CHMP1A: variants seen among roughly 807,000 people sequenced by gnomAD.
The protein encoded by CHMP1A is VPS46 homolog A.
A neutral mutation model predicts 27.0 loss-of-function variants in CHMP1A; 17 were observed. The ratio of observed to expected loss-of-function variants is 0.63; its 90% CI spans 0.43 to 0.95. The LOEUF (loss-of-function observed/expected upper bound fraction) is 0.95. Ranked by LOEUF, CHMP1A falls within the 40% of genes least tolerant of loss-of-function variation. CHMP1A has a pLI of 0.00. For synonymous variants in CHMP1A, 131 were observed against 107.5 expected (o/e 1.22, Z -1.35); for missense variants, 275 against 264.0 (o/e 1.04, Z -0.29).
chr16:89,647,477 C>T (rs1214596820), intron 4 of CHMP1A, 146 bp from the exon 5 acceptor site: 5 of 719,600 alleles, frequency 6.9e-6, no homozygotes, highest in Non-Finnish European at 9.0e-6. Flanking sequence ...GAGCCATCAT[C>T]TGGGTCCTAT....
chr16:89,647,406 G>A, intron 4 of CHMP1A, 75 bp from the exon 5 acceptor site: 3 of 1,449,010 alleles, frequency 2.1e-6, no homozygotes, highest in Non-Finnish European at 2.8e-6. Context: ...CGGGTCCCCT[G>A]GACTCTGACA....
chr16:89,649,564 G>C, intron 3 of CHMP1A, 67 bp from the exon 4 acceptor site: 5 of 1,583,182 alleles, frequency 3.2e-6, no homozygotes, highest in Non-Finnish European at 4.3e-6. Context: ...TAGGAGCCCA[G>C]TTTTTGTTTT....
rs2303774 is a variant in CHMP1A, at chr16:89,649,263, T to C, written c.252+88A>G. 0.021 allele frequency: 29,231 copies of C among 1,378,982 alleles called. 5,309 individuals are homozygous for C. The East Asian group carries it at 0.52, about 25-fold the overall frequency. 85.4% of individuals were successfully genotyped at this position (1,378,982 alleles called of 1,614,324 possible). On this transcript the variant is annotated intron_variant, in intron 4 of 6. Transcript: ENST00000397901. ...CCGCGCTGATCCACCTTCCGTCAAC[T>C]CTGAGCTGCCCCAGATCCAGACCGC... is the stretch of plus-strand genomic sequence containing the variant.
At chr16:89,649,018 G>T (rs1374195214) in intron 4 of CHMP1A, among the ~76,000 whole-genome samples, 1 of 151,418 alleles carries the variant, frequency 6.6e-6, no homozygotes. Context: ...GAGCAAGACA[G>T]TCTCTAAAAA....
At position 89,646,634 on chromosome 16, in the gene CHMP1A, G is replaced by C; in HGVS notation, c.462C>G (p.Ala154=). Residue 154 remains alanine (A), a synonymous_variant, in exon 6 of 7, where the codon GCC becomes GCG. Transcript: ENST00000397901. ...EQVDSLIMQI[A]EENGLEVLDQ... The stretch of plus-strand genomic sequence containing the variant: ...CCAGCACCTCCAGGCCATTCTCCTC[G>C]GCGATCTGCATGATGAGGCTGTCCA... 2.5e-6 allele frequency: 4 copies of C among 1,609,760 alleles called. No homozygotes were observed. Among genetic ancestry groups the C allele is most frequent in the Non-Finnish European group, 3.4e-6 (4 of 1,178,674 alleles).
At chr16:89,654,243 C>G (rs933500755) in intron 1 of CHMP1A, among the ~76,000 whole-genome samples, 2 of 152,242 alleles carry the variant, frequency 1.3e-5, no homozygotes, top group Non-Finnish European at 2.9e-5. Context: ...GACGCAGCAT[C>G]TTTTGGCCAT....
intron 2 of CHMP1A, 57 bp from the exon 3 acceptor site, chr16:89,651,703 G>A (rs1015471993): frequency 4.5e-6 from 7 of 1,549,846 alleles, no homozygotes; most frequent in East Asian, 2.3e-5. Context: ...CCCCAGGCCC[G>A]GCTCTCCACA....
In CHMP1A at chr16:89,652,129, C is replaced by G. The variant is rs1597790086; in HGVS notation, c.28-483G>C. ...GCTGTGGATGCAGGAGGTTGCTGGGCAGCACAAGCAGCTTCCGGGGATCTA... is the reference window on the plus strand; with the variant it reads ...GCTGTGGATGCAGGAGGTTGCTGGGGAGCACAAGCAGCTTCCGGGGATCTA... On this transcript the variant is annotated intron_variant, in intron 2 of 6. Coordinates refer to ENST00000397901, the MANE Select transcript of CHMP1A (RefSeq NM_002768.5). Among the ~76,000 whole-genome samples the G allele has an allele frequency of 1.3e-5, 2 of 152,362 alleles. 1 individual carries two copies. Among genetic ancestry groups the G allele is most frequent in the Middle Eastern group, 6.8e-3 (2 of 294 alleles).
intron 4 of CHMP1A, 63 bp from the exon 5 acceptor site, chr16:89,647,394 G>A (rs992858166): frequency 3.3e-6 from 5 of 1,518,390 alleles, no homozygotes; most frequent in East Asian, 2.3e-5. Flanking sequence ...ACGCACCAGG[G>A]ACGGGTCCCC....
intron 5 of CHMP1A, chr16:89,646,964 G>C: frequency 7.4e-7 from 1 of 1,358,010 alleles, no homozygotes; most frequent in African/African-American, 1.6e-5. Context: ...CTGCATGCTT[G>C]TCTGCCATCC....
intron 4 of CHMP1A, among the ~76,000 whole-genome samples, chr16:89,647,855 T>C (rs1435081167): frequency 6.2e-5 from 1 of 16,036 alleles, no homozygotes. Context: ...GCCGCCGACG[T>C]GGAGACCCAG....
chr16:89,645,683 T>C lies in CHMP1A; in HGVS notation c.*383A>G. Reference sequence around the variant, plus strand: ...CCCGCTGAGGTGGTGCGGAGAGGCCTCAGGGAGTTGTTTGGCAACAGGGCA... The same window carrying C: ...CCCGCTGAGGTGGTGCGGAGAGGCCCCAGGGAGTTGTTTGGCAACAGGGCA... On this transcript the variant is annotated 3_prime_UTR_variant, in exon 7 of 7. Coordinates refer to ENST00000397901, the MANE Select transcript of CHMP1A (RefSeq NM_002768.5). 2.7e-6 allele frequency: 1 copy of C among 367,616 alleles called. No individual in the cohort carries two copies. The highest frequency in any genetic ancestry group is 5.1e-6 in the Non-Finnish European group (1 of 195,732). The allele number at this position is 367,616 out of a possible 1,614,324, so 22.8% of individuals were successfully genotyped here. A position where few individuals can be genotyped will look rare whatever the true frequency, so the allele number is the denominator to read the frequency against.
intron 1 of CHMP1A, among the ~76,000 whole-genome samples, chr16:89,654,162 T>C (rs2059846067): frequency 6.6e-6 from 1 of 152,186 alleles, no homozygotes; most frequent in Non-Finnish European, 1.5e-5. Context: ...CCCTCCCTGT[T>C]TCCTTGTTGG....
In CHMP1A at chr16:89,644,807, GAGGAGGGGAGGGC is replaced by G. The variant is rs2059761100; in HGVS notation, c.*1246_*1258del. 1 of 152,600 alleles carries G rather than the reference GAGGAGGGGAGGGC, an allele frequency of 6.6e-6. No individual in the cohort carries two copies. The highest frequency in any genetic ancestry group is 2.4e-5 in the African/African-American group (1 of 41,590). The allele number at this position is 152,600 out of a possible 1,614,324, so 9.5% of individuals were successfully genotyped here. A position where few individuals can be genotyped will look rare whatever the true frequency, so the allele number is the denominator to read the frequency against. On this transcript the variant is annotated 3_prime_UTR_variant, in exon 7 of 7. Coordinates refer to ENST00000397901, the MANE Select transcript of CHMP1A (RefSeq NM_002768.5). ...TGGGCTGCACGGGGTGGGCAGGACT[GAGGAGGGGAGGGC>G]AGGACTGAAGAGGGGCGGGGACCCG...
chr16:89,646,408 C>T, intron 6 of CHMP1A, 119 bp downstream of exon 6: 1 of 1,162,110 alleles, frequency 8.6e-7, no homozygotes, highest in Middle Eastern at 3.0e-4. Context: ...GAGATCAGGG[C>T]TCCCTGGTCG....
At chr16:89,651,929 A>G (rs1405642259) in intron 2 of CHMP1A, among the ~76,000 whole-genome samples, 2 of 152,092 alleles carry the variant, frequency 1.3e-5, no homozygotes, top group Non-Finnish European at 2.9e-5. Context: ...AGCCTCACCC[A>G]AGGCCTCCTC....
At chr16:89,649,869 C>T (rs1310874561) in intron 3 of CHMP1A, among the ~76,000 whole-genome samples, 3 of 152,242 alleles carry the variant, frequency 2.0e-5, no homozygotes, top group South Asian at 4.1e-4. Context: ...AGCCACCGCG[C>T]CCGGCCCTAG....
Position 89,645,906 on chromosome 16 carries a change from GAAC to G in CHMP1A, c.*157_*159del. The G allele has an allele frequency of 1.2e-6, 2 of 1,604,100 alleles. No individual in the cohort carries two copies. Among genetic ancestry groups the G allele is most frequent in the South Asian group, 1.1e-5 (1 of 89,370 alleles). ...CCCACCGCCCAACCTAAAAGAACAG[GAAC>G]AACCCTAAGGCCACGCAGGCCTGGC... On this transcript the variant is annotated 3_prime_UTR_variant, in exon 7 of 7. Coordinates refer to ENST00000397901, the MANE Select transcript of CHMP1A (RefSeq NM_002768.5).
rs775515188 is a variant in CHMP1A at position 89,646,529 on chromosome 16, C to G, written c.567G>C (p.Arg189=). The G allele has an allele frequency of 6.3e-7, 1 of 1,577,542 alleles. No homozygotes were observed. ...AGCGTTTCGGGGACCGACCCTACCT[C>G]CGTGACAGCTGGTCCTCCTGGCTGC... ...SVRSQEDQLS[R]RLAALRN Residue 189 remains arginine (R), a splice_region_variant and synonymous_variant, in exon 6 of 7, where the codon CGG becomes CGC. Coordinates refer to ENST00000397901, the MANE Select transcript of CHMP1A (RefSeq NM_002768.5).
Sources: gnomAD v4.1 joint callset for allele counts (sites outside exome capture counted in the v4.1 genomes callset) on GRCh38, gnomAD v4.1.1 for gene constraint, MANE v1.5 for transcripts, NCBI Gene and HGNC (gene_info 2026-07-23, HGNC 2026-07-21) for gene names.